Variants in ZNF365 observed in about 807,000 individuals in gnomAD.
ZNF365 encodes zinc finger protein 365.
Under a neutral mutation model 35.0 loss-of-function variants are expected in ZNF365, and 22 were observed. The observed-to-expected ratio is 0.63, with a 90% CI of 0.45 to 0.90. The LOEUF is 0.90. Ranked by LOEUF, ZNF365 falls within the 40% of genes least tolerant of loss-of-function variation. ZNF365 has a pLI of 0.00. For missense variants in ZNF365, 448 were observed against 500.3 expected (o/e 0.90, Z 1.00); for synonymous variants, 188 against 196.2 (o/e 0.96, Z 0.35).
chr10:62,408,406 A>T (rs540931032), intron 3 of ZNF365, among the ~76,000 whole-genome samples: 101 of 152,326 alleles, frequency 6.6e-4, no homozygotes, highest in South Asian at 4.1e-3. Context: ...ATCTAATAGA[A>T]ACAGATAGGT....
chr10:62,424,793 G>A (rs1840226840), intron 3 of ZNF365, among the ~76,000 whole-genome samples: 1 of 152,200 alleles, frequency 6.6e-6, no homozygotes, highest in East Asian at 1.9e-4. Flanking sequence ...TGACATTGAT[G>A]TATTAAAGAA....
chr10:62,422,178 A>G (rs1021415259), intron 3 of ZNF365, among the ~76,000 whole-genome samples: 2 of 152,168 alleles, frequency 1.3e-5, no homozygotes, highest in African/African-American at 4.8e-5. Flanking sequence ...TGATAACTGC[A>G]TGCATGCCAG....
Position 62,402,256 on chromosome 10 carries a change from C to T in ZNF365, c.*2467C>T, listed in dbSNP as rs191109977. 85 of 985,716 alleles carry T rather than the reference C, an allele frequency of 8.6e-5. No homozygotes were observed. The highest frequency in any genetic ancestry group is 4.2e-4 in the South Asian group (9 of 21,282). 61.1% of individuals were successfully genotyped at this position (985,716 alleles called of 1,614,324 possible). ...GTAGGGAAGAAATCTTCCTTTGAAC[C>T]GCTTTTCTTGCTTTTTCCCTTTTTC... On this transcript the variant is annotated 3_prime_UTR_variant, in exon 5 of 5. Coordinates refer to ENST00000395254, the MANE Select transcript of ZNF365 (RefSeq NM_014951.3).
intron 3 of ZNF365, among the ~76,000 whole-genome samples, chr10:62,425,338 T>C (rs1212222797): frequency 1.3e-5 from 2 of 151,936 alleles, no homozygotes; most frequent in African/African-American, 4.8e-5. Context: ...TATATAAAAA[T>C]ACATAATCTC....
chr10:62,416,420 T>C (rs1199744608), intron 3 of ZNF365, among the ~76,000 whole-genome samples: 4 of 152,142 alleles, frequency 2.6e-5, no homozygotes, highest in Non-Finnish European at 1.5e-5. Flanking sequence ...TCATGTGAAA[T>C]GTTCCCATGT....
chr10:62,419,204 A>G (rs1055337635), intron 3 of ZNF365, among the ~76,000 whole-genome samples: 2 of 152,094 alleles, frequency 1.3e-5, no homozygotes, highest in Middle Eastern at 3.2e-3. Context: ...TGTTACTCTT[A>G]AAGATGGTAC....
chr10:62,479,430 T>C (rs1040019064), intron 4 of ZNF365, among the ~76,000 whole-genome samples: 2 of 152,212 alleles, frequency 1.3e-5, no homozygotes, highest in Admixed American at 6.5e-5. Context: ...GGTAGGAAGA[T>C]AAAAAGTGGT....
intron 3 of ZNF365, among the ~76,000 whole-genome samples, chr10:62,390,818 T>C (rs899930734): frequency 1.3e-5 from 2 of 152,210 alleles, no homozygotes; most frequent in Non-Finnish European, 2.9e-5. Context: ...TGTAGGTGAT[T>C]GGAACACAAT....
chr10:62,395,504 A>ATTTTTTTT (rs67866839), intron 3 of ZNF365, among the ~76,000 whole-genome samples: 2,109 of 96,872 alleles, frequency 0.022, no homozygotes, highest in Non-Finnish European at 0.03. Context: ...CACCCGGCTA[A>ATTTTTTTT]TTTTTTTTTT....
At chr10:62,473,044 G>A (rs570646907) in intron 4 of ZNF365, among the ~76,000 whole-genome samples, 5 of 151,824 alleles carry the variant, frequency 3.3e-5, no homozygotes, top group East Asian at 1.9e-4. Flanking sequence ...TTTTTATTTC[G>A]TTTCATCGGC....
chr10:62,452,832 T>C (rs1178608945), intron 3 of ZNF365, among the ~76,000 whole-genome samples: 1 of 152,254 alleles, frequency 6.6e-6, no homozygotes, highest in East Asian at 1.9e-4. Context: ...AATGAAGATA[T>C]TAAATTATTC....
intron 3 of ZNF365, among the ~76,000 whole-genome samples, chr10:62,394,890 A>G (rs879232851): frequency 7.3e-6 from 1 of 137,390 alleles, no homozygotes; most frequent in Admixed American, 7.2e-5. Context: ...GGTTATAAGA[A>G]GGGAGATGAG....
At chr10:62,380,582 A>C (rs1275783142) in intron 2 of ZNF365, among the ~76,000 whole-genome samples, 1 of 152,218 alleles carries the variant, frequency 6.6e-6, no homozygotes, top group Admixed American at 6.5e-5. Flanking sequence ...TCAGGGGTCA[A>C]CTATTTTGCA....
chr10:62,397,235 A>G (rs911482810), intron 3 of ZNF365, among the ~76,000 whole-genome samples: 4 of 151,622 alleles, frequency 2.6e-5, no homozygotes, highest in African/African-American at 9.7e-5. Context: ...AAGACAGAAC[A>G]CAAGAATCCT....
intron 3 of ZNF365, among the ~76,000 whole-genome samples, chr10:62,410,477 G>GA (rs1294545397): frequency 6.6e-6 from 1 of 151,974 alleles, no homozygotes; most frequent in Non-Finnish European, 1.5e-5. Flanking sequence ...CCATCACCTT[G>GA]GTATTATGCC....
intron 3 of ZNF365, among the ~76,000 whole-genome samples, chr10:62,391,053 C>A (rs1181948448): frequency 6.6e-6 from 1 of 152,222 alleles, no homozygotes; most frequent in South Asian, 2.1e-4. Flanking sequence ...TTAGGCTACA[C>A]TAAATTTGTT....
chr10:62,469,467 T>A (rs184181880), intron 4 of ZNF365, among the ~76,000 whole-genome samples: 8 of 152,274 alleles, frequency 5.3e-5, no homozygotes, highest in African/African-American at 1.9e-4. Flanking sequence ...ATACCCTCAG[T>A]TTTTTAGCGA....
intron 3 of ZNF365, among the ~76,000 whole-genome samples, chr10:62,442,821 G>A (rs1034208886): frequency 3.3e-5 from 5 of 152,136 alleles, no homozygotes; most frequent in African/African-American, 4.8e-5. Flanking sequence ...CCCAACATGG[G>A]GGGAATTTCT....
chr10:62,408,149 T>C (rs999348497), intron 3 of ZNF365, among the ~76,000 whole-genome samples: 1 of 152,112 alleles, frequency 6.6e-6, no homozygotes, highest in Non-Finnish European at 1.5e-5. Context: ...TTTCCTCATC[T>C]GGAAAATAGA....
Sources: allele counts gnomAD v4.1 joint callset (sites outside exome capture counted in the v4.1 genomes callset), GRCh38; gene constraint gnomAD v4.1.1; transcripts MANE v1.5; gene names NCBI Gene and HGNC (gene_info 2026-07-23, HGNC 2026-07-21).